PPP2R5E: variants seen among roughly 807,000 people sequenced by gnomAD.
PPP2R5E encodes the protein serine/threonine-protein phosphatase 2A 56 kDa regulatory subunit epsilon isoform.
In PPP2R5E, 4 loss-of-function variants were observed where a neutral mutation model predicts 65.3. The ratio of observed to expected loss-of-function variants is 0.06; its 90% CI spans 0.03 to 0.14. PPP2R5E has a LOEUF of 0.14. PPP2R5E is among the 10% of genes least tolerant of loss of function. The pLI, the probability that PPP2R5E is intolerant of heterozygous loss-of-function variation, is 1.00. For synonymous variants in PPP2R5E, 183 were observed against 187.4 expected, an observed-to-expected ratio of 0.98 and a Z score of 0.19; for missense variants, 274 against 556.1, an observed-to-expected ratio of 0.49 and a Z score of 5.10.
At chr14:63,511,769 T>C (rs778824015) in intron 2 of PPP2R5E, among the ~76,000 whole-genome samples, 6 of 152,092 alleles carry the variant, frequency 3.9e-5, no homozygotes, top group Non-Finnish European at 8.8e-5. Flanking sequence ...GAGTTCTCTG[T>C]GCAAAAAATT....
chr14:63,382,238 T>G (rs1884407639), intron 12 of PPP2R5E, 81 bp from the exon 13 acceptor site: 2 of 1,048,964 alleles, frequency 1.9e-6, no homozygotes, highest in Non-Finnish European at 2.9e-6. Flanking sequence ...AAGCACAACT[T>G]TTGTCTGAAT....
At chr14:63,478,592 A>G (rs1197294742) in intron 2 of PPP2R5E, among the ~76,000 whole-genome samples, 1 of 135,504 alleles carries the variant, frequency 7.4e-6, no homozygotes, top group Non-Finnish European at 1.6e-5. Flanking sequence ...AAACACGGTC[A>G]TGGGAGAGGG....
intron 4 of PPP2R5E, among the ~76,000 whole-genome samples, chr14:63,418,957 G>A (rs903608128): frequency 2.7e-5 from 4 of 147,694 alleles, no homozygotes; most frequent in Admixed American, 1.4e-4. Flanking sequence ...AGCAATTCTC[G>A]TGCCTCAGCC....
At chr14:63,454,974 G>A (rs1889040273) in intron 2 of PPP2R5E, among the ~76,000 whole-genome samples, 1 of 152,204 alleles carries the variant, frequency 6.6e-6, no homozygotes, top group South Asian at 2.1e-4. Flanking sequence ...ACAGAGCTGG[G>A]CAAAGTGCCC....
At position 63,397,679 on chromosome 14, in the gene PPP2R5E, C is replaced by T. The variant is rs538601136; in HGVS notation, c.550-963G>A. 1.1e-4 allele frequency among the ~76,000 whole-genome samples: 17 copies of T among 151,440 alleles called. No individual in the cohort carries two copies. In the South Asian group the frequency reaches 2.5e-3, roughly 22 times the overall value. ...GTGTGCTCACTCTGTAAATAGTCAACGAAGTGAACATTGATTATTTCTGTT... is the reference window on the plus strand; with the variant it reads ...GTGTGCTCACTCTGTAAATAGTCAATGAAGTGAACATTGATTATTTCTGTT... On this transcript the variant is annotated intron_variant, in intron 5 of 13. Transcript: ENST00000337537.
chr14:63,401,922 G>A (rs1176333751), intron 5 of PPP2R5E, among the ~76,000 whole-genome samples: 1 of 152,144 alleles, frequency 6.6e-6, no homozygotes, highest in African/African-American at 2.4e-5. Context: ...ATATTTGATG[G>A]TAAGGGTGTG....
intron 2 of PPP2R5E, among the ~76,000 whole-genome samples, chr14:63,501,035 G>C (rs1400985869): frequency 6.6e-6 from 1 of 152,108 alleles, no homozygotes; most frequent in African/African-American, 2.4e-5. Flanking sequence ...AGGAGACCAA[G>C]GTAGAGACAA....
At chr14:63,468,860 A>G (rs1036328246) in intron 2 of PPP2R5E, among the ~76,000 whole-genome samples, 3 of 152,176 alleles carry the variant, frequency 2.0e-5, no homozygotes, top group Non-Finnish European at 2.9e-5. Flanking sequence ...ACCTCCCACT[A>G]AAATAACATA....
At chr14:63,532,363 A>G (rs968301848) in intron 2 of PPP2R5E, among the ~76,000 whole-genome samples, 2 of 152,216 alleles carry the variant, frequency 1.3e-5, no homozygotes, top group African/African-American at 2.4e-5. Flanking sequence ...ACACTAAATA[A>G]CATGGCAAGA....
intron 3 of PPP2R5E, among the ~76,000 whole-genome samples, chr14:63,433,491 G>C (rs1038700355): frequency 2.0e-4 from 31 of 152,022 alleles, no homozygotes; most frequent in Admixed American, 4.6e-4. Flanking sequence ...CTTTTCTCTT[G>C]GGCTTGCCTG....
intron 2 of PPP2R5E, among the ~76,000 whole-genome samples, chr14:63,534,028 C>T (rs929485657): frequency 6.6e-6 from 1 of 152,202 alleles, no homozygotes; most frequent in Non-Finnish European, 1.5e-5. Flanking sequence ...CTTCAGAAAA[C>T]GTTCACCCAA....
chr14:63,455,850 AGAT>A (rs994823046), intron 2 of PPP2R5E, among the ~76,000 whole-genome samples: 12 of 151,372 alleles, frequency 7.9e-5, no homozygotes, highest in African/African-American at 2.9e-4. Flanking sequence ...TTTTAGTTTG[AGAT>A]GAAGTCTTGT....
At chr14:63,435,192 C>T (rs537632701) in intron 3 of PPP2R5E, among the ~76,000 whole-genome samples, 2 of 151,788 alleles carry the variant, frequency 1.3e-5, no homozygotes, top group Admixed American at 1.3e-4. Flanking sequence ...ATTCATTGAA[C>T]GTTCATTGCC....
intron 3 of PPP2R5E, among the ~76,000 whole-genome samples, chr14:63,422,428 A>G (rs762169504): frequency 6.6e-6 from 1 of 152,212 alleles, no homozygotes; most frequent in Non-Finnish European, 1.5e-5. Context: ...AACTGACATA[A>G]GAAATAAATA....
rs1883697932 is a variant in PPP2R5E, at chr14:63,371,704, ATT to A, written c.*4303_*4304del. 1 of 152,094 alleles carries A rather than the reference ATT, an allele frequency of 6.6e-6. No homozygotes were observed. The highest frequency in any genetic ancestry group is 1.5e-5 in the Non-Finnish European group (1 of 68,030). The allele number at this position is 152,094 out of a possible 1,614,324, so 9.4% of individuals were successfully genotyped here. On this transcript the variant is annotated 3_prime_UTR_variant, in exon 14 of 14. Coordinates refer to ENST00000337537, the MANE Select transcript of PPP2R5E (RefSeq NM_006246.5). ...CAACTTTTCATATCAAAAATGTTTC[ATT>A]TTTACCTCTACTCACAAAGAGATGC...
At chr14:63,518,990 A>G (rs1385734141) in intron 2 of PPP2R5E, among the ~76,000 whole-genome samples, 1 of 152,210 alleles carries the variant, frequency 6.6e-6, no homozygotes, top group Non-Finnish European at 1.5e-5. Context: ...AGGCCAAGAC[A>G]GGCAGATCAT....
chr14:63,377,832 T>C (rs557035316), intron 13 of PPP2R5E, among the ~76,000 whole-genome samples: 3 of 152,230 alleles, frequency 2.0e-5, no homozygotes, highest in Admixed American at 6.5e-5. Context: ...CAAGATTAGA[T>C]AATCCTCCAA....
chr14:63,474,882 A>T lies in PPP2R5E; in HGVS notation c.158-20997T>A, dbSNP rs185216091. Among the ~76,000 whole-genome samples the T allele has an allele frequency of 9.4e-4, 143 of 152,260 alleles. 1 individual carries two copies. Among genetic ancestry groups the T allele is most frequent in the African/African-American group, 2.9e-3 (120 of 41,552 alleles). ...AGAAGGAGCTCTGAAGAAACCCAAC[A>T]CTTACAAGTTGAGTAGAGGAGGAAG... On this transcript the variant is annotated intron_variant, in intron 2 of 13. Transcript: ENST00000337537.
intron 2 of PPP2R5E, among the ~76,000 whole-genome samples, chr14:63,532,419 A>C (rs1462900806): frequency 6.6e-6 from 1 of 152,238 alleles, no homozygotes; most frequent in Admixed American, 6.5e-5. Flanking sequence ...TGTTTAGAAT[A>C]GCTATTATAT....
Sources: gnomAD v4.1 joint callset for allele counts (sites outside exome capture counted in the v4.1 genomes callset) on GRCh38, gnomAD v4.1.1 for gene constraint, MANE v1.5 for transcripts, NCBI Gene and HGNC (gene_info 2026-07-23, HGNC 2026-07-21) for gene names.